Variants in RTN4 observed in about 807,000 individuals in gnomAD.
RTN4 encodes the protein reticulon-4.
Under a neutral mutation model 90.4 loss-of-function variants are expected in RTN4, and 32 were observed. That is an observed-to-expected ratio of 0.35 (90% CI 0.27 to 0.48). The LOEUF (loss-of-function observed/expected upper bound fraction) is 0.48, where lower values mean the gene tolerates loss of function less well. Ranked by LOEUF, RTN4 falls within the 20% of genes least tolerant of loss-of-function variation. RTN4 has a pLI of 0.99. For synonymous variants in RTN4, 629 were observed against 552.5 expected, an observed-to-expected ratio of 1.14 and a Z score of -1.94; for missense variants, 1,706 against 1,430.2, an observed-to-expected ratio of 1.19 and a Z score of -3.11.
At chr2:55,049,570 G>T in intron 1 of RTN4, 175 bp downstream of exon 1, 2 of 1,058,604 alleles carry the variant, frequency 1.9e-6, no homozygotes, top group East Asian at 5.3e-5. Context: ...GGGCTCCAAG[G>T]GCCGCCCCAC....
chr2:55,023,423 G>A (rs1681594660), intron 3 of RTN4, among the ~76,000 whole-genome samples: 1 of 152,084 alleles, frequency 6.6e-6, no homozygotes, highest in African/African-American at 2.4e-5. Flanking sequence ...CTGCTTTAAA[G>A]AACAAACATA....
At chr2:55,002,738 G>C (rs374471077) in intron 3 of RTN4, among the ~76,000 whole-genome samples, 4 of 151,978 alleles carry the variant, frequency 2.6e-5, no homozygotes, top group African/African-American at 4.8e-5. Flanking sequence ...TTCTCTTTAA[G>C]TATGTTGGAT....
At position 55,025,892 on chromosome 2, in the gene RTN4, T is replaced by C; in HGVS notation, c.2207A>G (p.Glu736Gly). The C allele has an allele frequency of 6.2e-7, 1 of 1,613,802 alleles. No homozygotes were observed. The highest frequency in any genetic ancestry group is 8.5e-7 in the Non-Finnish European group (1 of 1,179,862). The change falls in exon 3 of 9, where the codon GAA (glutamate) becomes GGA (glycine). Residue 736 changes from glutamate to glycine, a missense_variant. Glu to Gly is a moderately conservative substitution (Grantham distance 98, BLOSUM62 -2). Transcript: ENST00000337526. ...TGGTTCAGAATCAGGTGAGGAATCT[T>C]CAACTAGCTCAGAATGATCAGGCAC... Reference protein sequence around the residue: ...QPVPDHSELVEDSSPDSEPVD... With the variant: ...QPVPDHSELVGDSSPDSEPVD...
chr2:54,993,601 G>C (rs1218593650), intron 3 of RTN4, among the ~76,000 whole-genome samples: 1 of 152,164 alleles, frequency 6.6e-6, no homozygotes, highest in African/African-American at 2.4e-5. Context: ...AAATGGAAAA[G>C]CTCTGAAAAT....
intron 3 of RTN4, among the ~76,000 whole-genome samples, chr2:54,990,021 G>GAC (rs1678877451): frequency 6.6e-6 from 1 of 152,104 alleles, no homozygotes; most frequent in South Asian, 2.1e-4. Context: ...CACACAAACA[G>GAC]AAAACTTAGG....
upstream of RTN4, among the ~76,000 whole-genome samples, chr2:55,053,271 T>A (rs936762717): frequency 6.6e-6 from 1 of 152,254 alleles, no homozygotes; most frequent in Admixed American, 6.5e-5. Flanking sequence ...TTGTTGTAAC[T>A]AGATGTAAAT....
At chr2:54,990,609 CTTA>C (rs937250381) in intron 3 of RTN4, among the ~76,000 whole-genome samples, 7 of 152,102 alleles carry the variant, frequency 4.6e-5, no homozygotes, top group East Asian at 1.9e-4. Context: ...AAATTTCAAA[CTTA>C]TTATTAACTT....
chr2:55,030,966 A>C (rs1304832934), intron 1 of RTN4, among the ~76,000 whole-genome samples: 1 of 152,204 alleles, frequency 6.6e-6, no homozygotes, highest in Non-Finnish European at 1.5e-5. Context: ...TGGGACAGGT[A>C]CTGTGCTGAG....
rs571508863 is a variant in RTN4 at position 55,035,158 on chromosome 2, A to G, written c.557-6938T>C. ...CTATCAGTTAGGATACAGATGATTT[A>G]GGCCCCACTACCAATGAGCTAAACT... On this transcript the variant is annotated intron_variant, in intron 1 of 8. Coordinates refer to ENST00000337526, the MANE Select transcript of RTN4 (RefSeq NM_020532.5). Among the ~76,000 whole-genome samples the G allele has an allele frequency of 2.0e-5, 3 of 152,338 alleles. No homozygotes were observed. The South Asian group carries it at 6.2e-4, about 32-fold the overall frequency.
intron 3 of RTN4, among the ~76,000 whole-genome samples, chr2:55,009,424 C>G (rs1257537572): frequency 1.3e-5 from 2 of 152,060 alleles, no homozygotes; most frequent in South Asian, 2.1e-4. Flanking sequence ...CAATGATCCA[C>G]TGAGATTTGA....
At chr2:54,985,153 C>CTTT (rs71769973) in intron 4 of RTN4, among the ~76,000 whole-genome samples, 3,497 of 57,948 alleles carry the variant, frequency 0.06, 860 homozygotes, top group Middle Eastern at 0.1. Context: ...ATGACTCGGC[C>CTTT]TTTTTTTTTT....
chr2:54,974,101 T>C (rs940747311), intron 6 of RTN4: 7 of 445,600 alleles, frequency 1.6e-5, no homozygotes, highest in Admixed American at 4.1e-5. Context: ...CTTCAAATCA[T>C]ATCACAGTGA....
the RTN4 span, among the ~76,000 whole-genome samples, chr2:55,126,375 GA>G: frequency 1.1e-3 from 119 of 108,274 alleles, no homozygotes; most frequent in South Asian, 1.1e-3. Flanking sequence ...GTCTCAAAAA[GA>G]AAAAAAAAAA....
intron 1 of RTN4, among the ~76,000 whole-genome samples, chr2:55,091,308 G>A (rs1281342805): frequency 6.6e-6 from 1 of 152,150 alleles, no homozygotes; most frequent in African/African-American, 2.4e-5. Context: ...TTCATAGGGT[G>A]TCATCCACAC....
At chr2:55,086,909 C>T (rs1668852711) in intron 1 of RTN4, among the ~76,000 whole-genome samples, 1 of 151,692 alleles carries the variant, frequency 6.6e-6, no homozygotes, top group Admixed American at 6.6e-5. Context: ...ATCCTTCTGC[C>T]TGAGCCTCCC....
intron 1 of RTN4, among the ~76,000 whole-genome samples, chr2:55,084,732 T>G (rs566793951): frequency 6.6e-6 from 1 of 152,042 alleles, no homozygotes; most frequent in Non-Finnish European, 1.5e-5. Context: ...TGCCAAGAAG[T>G]GGAGAATTGC....
rs200207415 is a variant in RTN4 at position 54,973,213 on chromosome 2, G to A, written c.3537-15C>T. ...TTGCTTGGATTCTGAAAATGAAAAA[G>A]TCAATGTAAATATCAGTTTTGTTTG... On this transcript the variant is annotated splice_polypyrimidine_tract_variant and intron_variant, in intron 8 of 8. Transcript: ENST00000337526. 1 of 1,598,146 alleles carries A rather than the reference G, an allele frequency of 6.3e-7. No individual in the cohort carries two copies. Among genetic ancestry groups the A allele is most frequent in the African/African-American group, 1.3e-5 (1 of 74,852 alleles).
chr2:55,007,271 C>CCTAT (rs1416159444), intron 3 of RTN4, among the ~76,000 whole-genome samples: 1 of 152,054 alleles, frequency 6.6e-6, no homozygotes, highest in Non-Finnish European at 1.5e-5. Context: ...CAAATTCAAG[C>CCTAT]CTATCTACTT....
chr2:54,976,284 T>C (rs1183400756), intron 5 of RTN4, among the ~76,000 whole-genome samples: 1 of 152,200 alleles, frequency 6.6e-6, no homozygotes, highest in Non-Finnish European at 1.5e-5. Context: ...GCCCAAGACT[T>C]CACACCTGAG....
Sources: allele counts gnomAD v4.1 joint callset (sites outside exome capture counted in the v4.1 genomes callset), GRCh38; gene constraint gnomAD v4.1.1; transcripts MANE v1.5; gene names NCBI Gene and HGNC (gene_info 2026-07-23, HGNC 2026-07-21).